The following PSTPIP2 variants were observed in gnomAD, a reference collection of about 807,000 sequenced individuals.
The protein encoded by PSTPIP2 is proline-serine-threonine phosphatase interacting protein 2.
Under a neutral mutation model 63.3 loss-of-function variants are expected in PSTPIP2, and 33 were observed. That is an observed-to-expected ratio of 0.52 (90% CI 0.40 to 0.70). PSTPIP2 has a LOEUF of 0.70. PSTPIP2 is among the 30% of genes least tolerant of loss of function. PSTPIP2 has a pLI of 0.00. For synonymous variants in PSTPIP2, 125 were observed against 132.7 expected (o/e 0.94, Z 0.40); for missense variants, 312 against 400.7 (o/e 0.78, Z 1.89).
Position 45,985,349 on chromosome 18 carries a change from C to T in PSTPIP2, c.*110G>A. 1 of 1,429,518 alleles carries T rather than the reference C, an allele frequency of 7.0e-7. No homozygotes were observed. The highest frequency in any genetic ancestry group is 1.2e-5 in the South Asian group (1 of 82,058). 88.6% of individuals were successfully genotyped at this position (1,429,518 alleles called of 1,614,324 possible). A position where few individuals can be genotyped will look rare whatever the true frequency, so the allele number is the denominator to read the frequency against. Reference sequence around the variant, plus strand: ...TCTCTAAAAAATTATAGCAAGGGTTCACTTCAAAGTCTTCATTGCTGACAT... The same window carrying T: ...TCTCTAAAAAATTATAGCAAGGGTTTACTTCAAAGTCTTCATTGCTGACAT... On this transcript the variant is annotated 3_prime_UTR_variant, in exon 15 of 15. Coordinates refer to ENST00000409746, the MANE Select transcript of PSTPIP2 (RefSeq NM_024430.4).
At chr18:46,043,056 C>T (rs1436858239) in intron 1 of PSTPIP2, among the ~76,000 whole-genome samples, 2 of 151,688 alleles carry the variant, frequency 1.3e-5, no homozygotes, top group Admixed American at 6.6e-5. Context: ...TAGTTCCACC[C>T]GTGCAGTCCC....
intron 5 of PSTPIP2, among the ~76,000 whole-genome samples, chr18:46,008,178 G>C (rs2051751935): frequency 6.6e-6 from 1 of 152,184 alleles, no homozygotes; most frequent in South Asian, 2.1e-4. Flanking sequence ...CTCTGCCATA[G>C]GGTGGGGAAA....
At position 46,040,053 on chromosome 18, in the gene PSTPIP2, G is replaced by A. The variant is rs201907021; in HGVS notation, c.34-6C>T. On this transcript the variant is annotated splice_polypyrimidine_tract_variant and splice_region_variant and intron_variant, in intron 1 of 14. Transcript: ENST00000409746. ...GTGCTGAGGATGTCTGCACTCTGGG[G>A]GAAAGACAACATGGCATCAGACCAG... The A allele has an allele frequency of 6.6e-5, 105 of 1,590,728 alleles. No homozygotes were observed. In the East Asian group the frequency reaches 2.3e-3, roughly 35 times the overall value.
chr18:46,047,044 G>T (rs1036017175), intron 1 of PSTPIP2, among the ~76,000 whole-genome samples: 7 of 152,212 alleles, frequency 4.6e-5, no homozygotes, highest in African/African-American at 1.7e-4. Context: ...CGCTTTCCTT[G>T]TCACTGCTTC....
intron 1 of PSTPIP2, among the ~76,000 whole-genome samples, chr18:46,043,672 A>T (rs1402686973): frequency 6.6e-6 from 1 of 152,252 alleles, no homozygotes; most frequent in Non-Finnish European, 1.5e-5. Flanking sequence ...AAGAAAAAGA[A>T]ATAAAGAACA....
intron 14 of PSTPIP2, among the ~76,000 whole-genome samples, chr18:45,987,798 T>C (rs769607536): frequency 6.6e-5 from 10 of 152,186 alleles, no homozygotes; most frequent in Non-Finnish European, 1.5e-4. Context: ...TGATTTTGAC[T>C]TGGAGAATGT....
chr18:46,011,327 T>C, intron 4 of PSTPIP2, 40 bp from the exon 5 acceptor site: 2 of 1,426,770 alleles, frequency 1.4e-6, no homozygotes, highest in East Asian at 4.5e-5. Flanking sequence ...GGTCTACATA[T>C]GTCTGAATTA....
intron 1 of PSTPIP2, among the ~76,000 whole-genome samples, chr18:46,056,277 G>A (rs1908751484): frequency 6.6e-6 from 1 of 152,136 alleles, no homozygotes; most frequent in Non-Finnish European, 1.5e-5. Context: ...GGCTTTCCCT[G>A]CCCACCCCAA....
chr18:46,065,953 T>C (rs1909175875), intron 1 of PSTPIP2, among the ~76,000 whole-genome samples: 1 of 152,122 alleles, frequency 6.6e-6, no homozygotes, highest in East Asian at 1.9e-4. Context: ...GTACAGATAC[T>C]ATAGGATTAT....
intron 1 of PSTPIP2, among the ~76,000 whole-genome samples, chr18:46,048,826 G>A (rs1434571549): frequency 6.6e-6 from 1 of 152,156 alleles, no homozygotes; most frequent in Admixed American, 6.5e-5. Flanking sequence ...GGGGAAATTT[G>A]AGTAGGGTCT....
chr18:46,069,535 G>A (rs1317405053), intron 1 of PSTPIP2, among the ~76,000 whole-genome samples: 1 of 152,158 alleles, frequency 6.6e-6, no homozygotes, highest in African/African-American at 2.4e-5. Context: ...ATGTTGCCCA[G>A]CCTCCTTAGT....
Position 45,997,752 on chromosome 18 carries a change from G to T in PSTPIP2, c.639C>A (p.Cys213Ter). The change falls in exon 9 of 15, where the codon TGC becomes TGA. Residue 213 changes from cysteine to a stop codon, truncating the protein, a stop_gained. Coordinates refer to ENST00000409746, the MANE Select transcript of PSTPIP2 (RefSeq NM_024430.4). LOFTEE classifies it high-confidence loss of function. ...AGCAGCTTCCGGTTACGGGTACCTC[G>T]CAGGCCTTGATGTGCTCACTCTGCC... is the stretch of plus-strand genomic sequence containing the variant. ...EEWQSEHIKA[C>*]EAFEAQECER... 1.3e-6 allele frequency: 2 copies of T among 1,524,448 alleles called. No homozygotes were observed. The highest frequency in any genetic ancestry group is 1.8e-6 in the Non-Finnish European group (2 of 1,137,474). 94.4% of individuals were successfully genotyped at this position (1,524,448 alleles called of 1,614,324 possible).
At chr18:46,004,653 A>G (rs921212736) in intron 6 of PSTPIP2, among the ~76,000 whole-genome samples, 6 of 152,132 alleles carry the variant, frequency 3.9e-5, no homozygotes, top group Admixed American at 1.3e-4. Context: ...GACTTGCTAT[A>G]TTTTCTCGGG....
Position 45,992,220 on chromosome 18 carries a change from A to G in PSTPIP2, c.742-18T>C, listed in dbSNP as rs1410459708. On this transcript the variant is annotated intron_variant, in intron 10 of 14. Coordinates refer to ENST00000409746, the MANE Select transcript of PSTPIP2 (RefSeq NM_024430.4). The stretch of plus-strand genomic sequence containing the variant: ...TCGTACATCTAATAAAAAAAGGTCA[A>G]TTAATAGGTAGAGGTATGTTGAGAT... The G allele has an allele frequency of 1.3e-6, 2 of 1,508,338 alleles. No homozygotes were observed. The highest frequency in any genetic ancestry group is 9.0e-7 in the Non-Finnish European group (1 of 1,109,368). 93.4% of individuals were successfully genotyped at this position (1,508,338 alleles called of 1,614,324 possible). A position where few individuals can be genotyped will look rare whatever the true frequency, so the allele number is the denominator to read the frequency against.
intron 1 of PSTPIP2, among the ~76,000 whole-genome samples, chr18:46,045,221 T>C (rs1426125673): frequency 1.3e-5 from 2 of 152,232 alleles, no homozygotes; most frequent in African/African-American, 4.8e-5. Flanking sequence ...CGTATGTTTA[T>C]TGCGGCACTA....
At chr18:46,028,139 C>T (rs1420065047) in intron 2 of PSTPIP2, among the ~76,000 whole-genome samples, 3 of 152,202 alleles carry the variant, frequency 2.0e-5, no homozygotes. Context: ...CCAGCCCGGG[C>T]GACAGAGTGA....
At chr18:46,037,710 G>A (rs541842206) in intron 2 of PSTPIP2, among the ~76,000 whole-genome samples, 7 of 152,288 alleles carry the variant, frequency 4.6e-5, no homozygotes, top group African/African-American at 1.7e-4. Context: ...GTGCCACCAG[G>A]AACAGAGGCC....
intron 1 of PSTPIP2, among the ~76,000 whole-genome samples, chr18:46,065,781 T>G (rs1331282268): frequency 6.6e-6 from 1 of 151,932 alleles, no homozygotes; most frequent in Non-Finnish European, 1.5e-5. Context: ...TGTATTTCTT[T>G]AGTAGAGACG....
chr18:46,061,061 C>T (rs1568233118), intron 1 of PSTPIP2, among the ~76,000 whole-genome samples: 1 of 152,092 alleles, frequency 6.6e-6, no homozygotes, highest in East Asian at 1.9e-4. Context: ...CCCGGCACTT[C>T]GGGAGGCCGA....
Sources: allele counts gnomAD v4.1 joint callset (sites outside exome capture counted in the v4.1 genomes callset), GRCh38; gene constraint gnomAD v4.1.1; transcripts MANE v1.5; gene names NCBI Gene and HGNC (gene_info 2026-07-23, HGNC 2026-07-21).